The following SLC28A1 variants were observed in gnomAD, a reference collection of about 807,000 sequenced individuals.
The protein encoded by SLC28A1 is solute carrier family 28 member 1.
SLC28A1 carries 64 observed loss-of-function variants against 74.8 expected under a neutral mutation model. The ratio of observed to expected loss-of-function variants is 0.86; its 90% CI spans 0.70 to 1.05. The LOEUF (loss-of-function observed/expected upper bound fraction) is 1.05. Among genes scored for constraint, SLC28A1 ranks in the 50% least tolerant of loss-of-function variants. SLC28A1 has a pLI of 0.00. For missense variants in SLC28A1, 828 were observed against 822.8 expected, an observed-to-expected ratio of 1.01 and a Z score of -0.08; for synonymous variants, 359 against 335.0, an observed-to-expected ratio of 1.07 and a Z score of -0.78.
chr15:84,945,914 C>T (rs1203335831), downstream of SLC28A1: 13 of 152,108 alleles, frequency 8.5e-5, no homozygotes, highest in Admixed American at 8.4e-4. Flanking sequence ...GGCTAGAGTA[C>T]AGTGAGGTGA....
chr15:84,950,478 C>T (rs545113758), downstream of SLC28A1, among the ~76,000 whole-genome samples: 2 of 151,286 alleles, frequency 1.3e-5, no homozygotes, highest in Non-Finnish European at 2.9e-5. Context: ...AATCCCAACA[C>T]TTTGGGAGGC....
At chr15:84,930,460 C>T (rs947219880) in intron 12 of SLC28A1, among the ~76,000 whole-genome samples, 4 of 152,106 alleles carry the variant, frequency 2.6e-5, no homozygotes, top group Admixed American at 6.5e-5. Flanking sequence ...GAAGTTTTGT[C>T]GATCTTTAAA....
At chr15:84,912,806 GCACA>G (rs199525878) in intron 9 of SLC28A1, among the ~76,000 whole-genome samples, 9,322 of 112,188 alleles carry the variant, frequency 0.083, 346 homozygotes, top group Admixed American at 0.13. Flanking sequence ...TTGCGCGCGC[GCACA>G]CACACACACA....
chr15:84,908,611 G>A (rs1596272430), intron 8 of SLC28A1, 107 bp from the exon 9 acceptor site: 1 of 893,514 alleles, frequency 1.1e-6, no homozygotes, highest in East Asian at 2.4e-5. Flanking sequence ...AAGGGCCTGG[G>A]GGGACTACGT....
At chr15:84,932,277 C>T (rs1171645028) in intron 12 of SLC28A1, among the ~76,000 whole-genome samples, 1 of 152,076 alleles carries the variant, frequency 6.6e-6, no homozygotes, top group Non-Finnish European at 1.5e-5. Context: ...GTTCTGATTT[C>T]CCTGCTTGGT....
At chr15:84,909,695 C>A (rs1167477363) in intron 9 of SLC28A1, among the ~76,000 whole-genome samples, 2 of 152,226 alleles carry the variant, frequency 1.3e-5, no homozygotes, top group Non-Finnish European at 2.9e-5. Flanking sequence ...GCTTAAGCTC[C>A]CTTGCCAGGC....
intron 5 of SLC28A1, among the ~76,000 whole-genome samples, chr15:84,893,911 C>A (rs1219941000): frequency 2.0e-5 from 3 of 152,348 alleles, no homozygotes; most frequent in East Asian, 1.9e-4. Context: ...GGCTTGGCGG[C>A]CTTGCCAGGC....
chr15:84,922,704 G>C (rs1969984763), intron 11 of SLC28A1, among the ~76,000 whole-genome samples: 1 of 152,160 alleles, frequency 6.6e-6, no homozygotes, highest in Non-Finnish European at 1.5e-5. Flanking sequence ...CCCCTCTGTG[G>C]CCCACCTGCC....
chr15:84,905,661 G>C lies in SLC28A1; in HGVS notation c.717+9G>C. 1 of 1,591,458 alleles carries C rather than the reference G, an allele frequency of 6.3e-7. No homozygotes were observed. The highest frequency in any genetic ancestry group is 8.6e-7 in the Non-Finnish European group (1 of 1,159,538). Reference sequence around the variant, plus strand: ...TGGGCGAGCAGATCCGGGTAGGTATGTGGGGTCTGGCTGCCCAGAGCATCT... The same window carrying C: ...TGGGCGAGCAGATCCGGGTAGGTATCTGGGGTCTGGCTGCCCAGAGCATCT... On this transcript the variant is annotated intron_variant, in intron 8 of 18. Transcript: ENST00000394573.
At position 84,890,514 on chromosome 15, in the gene SLC28A1, G is replaced by T. The variant is rs369963106; in HGVS notation, c.257G>T (p.Gly86Val). 2 of 1,610,522 alleles carry T rather than the reference G, an allele frequency of 1.2e-6. No homozygotes were observed. The highest frequency in any genetic ancestry group is 1.7e-5 in the Admixed American group (1 of 59,900). The stretch of plus-strand genomic sequence containing the variant: ...CACATGCAGCTGTTTCGATGGATCG[G>T]CACAGGCCTGCTCTGCACTGGTGAG... The part of the protein sequence containing the change: ...REHMQLFRWI[G>V]TGLLCTGLSA... Residue 86 changes from glycine (G) to valine (V), a missense_variant, in exon 5 of 19, where the codon GGC (glycine) becomes GTC (valine). Coordinates refer to ENST00000394573, the MANE Select transcript of SLC28A1 (RefSeq NM_004213.5).
chr15:84,907,339 T>C (rs575384433), intron 8 of SLC28A1, among the ~76,000 whole-genome samples: 5 of 152,294 alleles, frequency 3.3e-5, no homozygotes, highest in African/African-American at 1.2e-4. Flanking sequence ...AACCAGGTTA[T>C]GAGACTAGCT....
At chr15:84,920,091 A>G (rs1293618957) in intron 10 of SLC28A1, among the ~76,000 whole-genome samples, 1 of 152,166 alleles carries the variant, frequency 6.6e-6, no homozygotes, top group Non-Finnish European at 1.5e-5. Context: ...GCAAAGGGCA[A>G]CCTGAGAGGC....
chr15:84,900,871 CAAGGAAGGAAGG>C (rs60285824), intron 6 of SLC28A1, among the ~76,000 whole-genome samples: 34,095 of 146,348 alleles, frequency 0.23, 4,336 homozygotes, highest in South Asian at 0.47. Context: ...GGGTGAAAGG[CAAGGAAGGAAGG>C]AAGGAAGGAA....
At chr15:84,969,556 G>T in the SLC28A1 span, among the ~76,000 whole-genome samples, 1 of 152,034 alleles carries the variant, frequency 6.6e-6, no homozygotes, top group African/African-American at 2.4e-5. Flanking sequence ...TCTGTAATTT[G>T]CTGGATCCCA....
intron 16 of SLC28A1, 67 bp from the exon 17 acceptor site, chr15:84,944,499 G>A (rs764724013): frequency 1.0e-5 from 11 of 1,086,382 alleles, no homozygotes; most frequent in East Asian, 7.2e-5. Flanking sequence ...GATGCAGCCC[G>A]AGCTGCGGAA....
the SLC28A1 span, among the ~76,000 whole-genome samples, chr15:84,970,711 T>C: frequency 2.0e-5 from 3 of 152,112 alleles, no homozygotes; most frequent in African/African-American, 4.8e-5. Flanking sequence ...TAAAATCATC[T>C]TAAGGGTCGG....
At chr15:84,908,393 A>G (rs895026390) in intron 8 of SLC28A1, among the ~76,000 whole-genome samples, 6 of 152,020 alleles carry the variant, frequency 3.9e-5, no homozygotes, top group Non-Finnish European at 7.4e-5. Flanking sequence ...CATGTTTGCC[A>G]AGCTGGTTTC....
intron 9 of SLC28A1, among the ~76,000 whole-genome samples, chr15:84,913,146 G>A (rs890048971): frequency 1.3e-5 from 2 of 152,196 alleles, no homozygotes; most frequent in Admixed American, 6.5e-5. Flanking sequence ...CTCTGGACTT[G>A]GAGATGAGTC....
chr15:84,953,550 C>T, the SLC28A1 span, among the ~76,000 whole-genome samples: 3 of 152,008 alleles, frequency 2.0e-5, no homozygotes, highest in Non-Finnish European at 2.9e-5. Context: ...GGCAAGATAG[C>T]GAGACCTTGT....
Sources: gnomAD v4.1 joint callset for allele counts (sites outside exome capture counted in the v4.1 genomes callset) on GRCh38, gnomAD v4.1.1 for gene constraint, MANE v1.5 for transcripts, NCBI Gene and HGNC (gene_info 2026-07-23, HGNC 2026-07-21) for gene names.